GREB1: variants seen among roughly 807,000 people sequenced by gnomAD.
The protein encoded by GREB1 is growth regulating estrogen receptor binding 1, also known as protein GREB1.
Under a neutral mutation model 200.7 loss-of-function variants are expected in GREB1, and 106 were observed. That is an observed-to-expected ratio of 0.53 (90% CI 0.45 to 0.62). The LOEUF (loss-of-function observed/expected upper bound fraction) is 0.62, where lower values mean the gene tolerates loss of function less well. Ranked by LOEUF, GREB1 falls within the 20% of genes least tolerant of loss-of-function variation. The pLI is 0.00. For missense variants in GREB1, 2,243 were observed against 2,556.8 expected (o/e 0.88, Z 2.65); for synonymous variants, 1,132 against 1,092.4 (o/e 1.04, Z -0.72).
chr2:11,626,939 T>C, intron 24 of GREB1, 23 bp from the exon 25 acceptor site: 1 of 1,613,986 alleles, frequency 6.2e-7, no homozygotes, highest in Non-Finnish European at 8.5e-7. Context: ...TGCTGCTTTT[T>C]AATCCTGGGG....
intron 10 of GREB1, 32 bp downstream of exon 10, chr2:11,588,963 A>T (rs1200053411): frequency 1.3e-6 from 2 of 1,587,288 alleles, no homozygotes; most frequent in Admixed American, 1.7e-5. Context: ...GCCCAGTGGC[A>T]GGGAGTGGCC....
At chr2:11,562,772 A>G in intron 3 of GREB1, 190 bp downstream of exon 3, 2 of 513,490 alleles carry the variant, frequency 3.9e-6, no homozygotes, top group Non-Finnish European at 3.3e-6. Flanking sequence ...CTCCTGAAAC[A>G]GGAGCTCCAG....
At position 11,562,602 on chromosome 2, in the gene GREB1, T is replaced by C; in HGVS notation, c.277+20T>C. On this transcript the variant is annotated intron_variant, in intron 3 of 32. Transcript: ENST00000381486. ...CAGACGGTGAGCCTCTGCCAGCTCC[T>C]GGCCAGGCAGTGCCTGCCATGCTGC... 1.9e-6 allele frequency: 3 copies of C among 1,561,068 alleles called. No homozygotes were observed. Among genetic ancestry groups the C allele is most frequent in the Non-Finnish European group, 2.6e-6 (3 of 1,154,672 alleles).
intron 1 of GREB1, among the ~76,000 whole-genome samples, chr2:11,526,045 A>G (rs952819949): frequency 3.3e-5 from 5 of 152,230 alleles, no homozygotes; most frequent in African/African-American, 1.2e-4. Flanking sequence ...AGAGGGTTTC[A>G]TCAAAGGCTT....
chr2:11,586,456 A>G (rs1680104726), intron 9 of GREB1, among the ~76,000 whole-genome samples: 1 of 152,234 alleles, frequency 6.6e-6, no homozygotes, highest in Non-Finnish European at 1.5e-5. Flanking sequence ...ACGTGGGGGT[A>G]GACTTTTGGC....
chr2:11,579,648 G>C (rs1244059776), intron 6 of GREB1, among the ~76,000 whole-genome samples: 1 of 152,144 alleles, frequency 6.6e-6, no homozygotes, highest in Non-Finnish European at 1.5e-5. Context: ...GGTGGAACTG[G>C]CTCAAACACA....
intron 10 of GREB1, among the ~76,000 whole-genome samples, chr2:11,590,735 G>A (rs1238989802): frequency 6.6e-6 from 1 of 152,210 alleles, no homozygotes; most frequent in Non-Finnish European, 1.5e-5. Context: ...GGCATGGTGA[G>A]TGAGTCCTTT....
Position 11,638,822 on chromosome 2 carries a change from C to G in GREB1, c.5686+13C>G, listed in dbSNP as rs753527114. 5 of 1,613,412 alleles carry G rather than the reference C, an allele frequency of 3.1e-6. No homozygotes were observed. The highest frequency in any genetic ancestry group is 4.5e-5 in the East Asian group (2 of 44,884). The stretch of plus-strand genomic sequence containing the variant: ...CATTTTCTGAAAGGTAACTTTTGTA[C>G]TCTTAACTCTGCACCTTGTCTTCAA... On this transcript the variant is annotated intron_variant, in intron 32 of 32. Transcript: ENST00000381486.
At chr2:11,486,017 G>A (rs961265408) in intron 1 of GREB1, among the ~76,000 whole-genome samples, 2 of 152,158 alleles carry the variant, frequency 1.3e-5, no homozygotes, top group African/African-American at 4.8e-5. Context: ...GGGATGGGCT[G>A]GTGACAGGAA....
chr2:11,513,383 C>T (rs746997458), intron 1 of GREB1, among the ~76,000 whole-genome samples: 2 of 152,082 alleles, frequency 1.3e-5, no homozygotes, highest in Admixed American at 6.5e-5. Context: ...GAAGGAAGTT[C>T]GAAGCAGCTC....
chr2:11,484,992 A>C (rs375563013), intron 1 of GREB1, among the ~76,000 whole-genome samples: 256 of 152,106 alleles, frequency 1.7e-3, no homozygotes, highest in Non-Finnish European at 3.1e-3. Flanking sequence ...GGCGCCCGCC[A>C]CGGCGCCCGG....
Position 11,618,757 on chromosome 2 carries a change from T to C in GREB1, c.3882T>C (p.Ser1294=), listed in dbSNP as rs1323464636. ...LPSPSVMWAS[S]FRPLLSKTMT... Reference sequence around the variant, plus strand: ...CCCCCTCGGTCATGTGGGCCAGCTCTTTCCGCCCCCTGCTCAGCAAGACCA... The same window carrying C: ...CCCCCTCGGTCATGTGGGCCAGCTCCTTCCGCCCCCTGCTCAGCAAGACCA... The change falls in exon 22 of 33, where the codon TCT becomes TCC. Residue 1294 remains serine (S), a synonymous_variant. Transcript: ENST00000381486. The C allele has an allele frequency of 5.0e-6, 8 of 1,613,286 alleles. No homozygotes were observed. The highest frequency in any genetic ancestry group is 2.7e-5 in the African/African-American group (2 of 74,932).
At position 11,627,152 on chromosome 2, in the gene GREB1, G is replaced by T. The variant is rs530910696; in HGVS notation, c.4449+48G>T. 72 of 1,509,674 alleles carry T rather than the reference G, an allele frequency of 4.8e-5. 2 individuals are homozygous for T. The Middle Eastern group carries it at 1.8e-3, about 38-fold the overall frequency. 93.5% of individuals were successfully genotyped at this position (1,509,674 alleles called of 1,614,324 possible). On this transcript the variant is annotated intron_variant, in intron 25 of 32. Transcript: ENST00000381486. Reference sequence around the variant, plus strand: ...CAGGCATTTCACCTTGGCTCACATTGTCCGTTCCCCTGCTCTCTCACGCTT... The same window carrying T: ...CAGGCATTTCACCTTGGCTCACATTTTCCGTTCCCCTGCTCTCTCACGCTT...
intron 3 of GREB1, among the ~76,000 whole-genome samples, chr2:11,564,919 G>C (rs1677466982): frequency 6.6e-6 from 1 of 152,190 alleles, no homozygotes; most frequent in South Asian, 2.1e-4. Flanking sequence ...CAGGAGAGCT[G>C]GTGTGGGGAA....
intron 1 of GREB1, among the ~76,000 whole-genome samples, chr2:11,503,313 T>G (rs1267380781): frequency 6.6e-6 from 1 of 152,232 alleles, no homozygotes; most frequent in Non-Finnish European, 1.5e-5. Flanking sequence ...GCTTACATTT[T>G]TTGGGTTGTA....
chr2:11,534,459 G>A (rs1378527038), intron 1 of GREB1, among the ~76,000 whole-genome samples: 5 of 152,170 alleles, frequency 3.3e-5, no homozygotes, highest in Admixed American at 6.5e-5. Context: ...CAAAACAAGC[G>A]TTATAGCTGA....
intron 23 of GREB1, among the ~76,000 whole-genome samples, chr2:11,624,794 G>A (rs1001227408): frequency 6.6e-6 from 1 of 151,044 alleles, no homozygotes; most frequent in African/African-American, 2.4e-5. Context: ...TAAACTTTCT[G>A]AAAACATTAC....
intron 21 of GREB1, among the ~76,000 whole-genome samples, chr2:11,617,087 G>C (rs1382968982): frequency 6.6e-6 from 1 of 152,216 alleles, no homozygotes; most frequent in African/African-American, 2.4e-5. Flanking sequence ...TGTGGGGAGA[G>C]GAGCTGAGCG....
At chr2:11,531,396 A>C (rs1157311089), upstream of GREB1, among the ~76,000 whole-genome samples, 1 of 152,162 alleles carries the variant, frequency 6.6e-6, no homozygotes, top group African/African-American at 2.4e-5. Flanking sequence ...GCCTACAGAG[A>C]GATTCAAGCT....
Sources: allele counts gnomAD v4.1 joint callset (sites outside exome capture counted in the v4.1 genomes callset), GRCh38; gene constraint gnomAD v4.1.1; transcripts MANE v1.5; gene names NCBI Gene and HGNC (gene_info 2026-07-23, HGNC 2026-07-21).